CDX1: variants seen among roughly 807,000 people sequenced by gnomAD.
CDX1 encodes the protein caudal type homeobox 1, also known as homeobox protein CDX-1.
CDX1 carries 9 observed loss-of-function variants against 16.9 expected under a neutral mutation model. The observed-to-expected ratio is 0.53, with a 90% CI of 0.32 to 0.93. The LOEUF is 0.93. Among genes scored for constraint, CDX1 ranks in the 40% least tolerant of loss-of-function variants. CDX1 has a pLI of 0.04. For synonymous variants in CDX1, 179 were observed against 179.0 expected (o/e 1.00, Z 0.00); for missense variants, 393 against 386.1 (o/e 1.02, Z -0.15).
At chr5:150,167,453 C>T in intron 1 of CDX1, 132 bp downstream of exon 1, 1 of 515,498 alleles carries the variant, frequency 1.9e-6, no homozygotes, top group Non-Finnish European at 3.0e-6. Flanking sequence ...TCCACTCTCG[C>T]CCTGGGGGGC....
chr5:150,179,738 T>A (rs918057918), intron 1 of CDX1, among the ~76,000 whole-genome samples: 1 of 152,200 alleles, frequency 6.6e-6, no homozygotes, highest in Non-Finnish European at 1.5e-5. Context: ...CTGGGCATTT[T>A]AAGGGCCCCC....
chr5:150,173,989 C>T (rs1761538210), intron 1 of CDX1, among the ~76,000 whole-genome samples: 1 of 152,220 alleles, frequency 6.6e-6, no homozygotes, highest in Non-Finnish European at 1.5e-5. Flanking sequence ...TATGTATTCA[C>T]CAAGGATTCA....
chr5:150,183,780 C>A lies in CDX1; in HGVS notation c.*100C>A. ...GTCTGGTCCGAGTCTCAGCCCTGACCTTCTGGGACATGGTGGACAGTCACC... is the reference window on the plus strand; with the variant it reads ...GTCTGGTCCGAGTCTCAGCCCTGACATTCTGGGACATGGTGGACAGTCACC... On this transcript the variant is annotated 3_prime_UTR_variant, in exon 3 of 3. Coordinates refer to ENST00000231656, the MANE Select transcript of CDX1 (RefSeq NM_001804.3). 1 of 968,592 alleles carries A rather than the reference C, an allele frequency of 1.0e-6. No individual in the cohort carries two copies. Among genetic ancestry groups the A allele is most frequent in the South Asian group, 2.1e-5 (1 of 48,176 alleles). 60.0% of individuals were successfully genotyped at this position (968,592 alleles called of 1,614,324 possible).
rs1262277553 is a variant in CDX1, at chr5:150,167,058, G to T, written c.182G>T (p.Trp61Leu). 3 of 1,424,792 alleles carry T rather than the reference G, an allele frequency of 2.1e-6. No individual in the cohort carries two copies. Among genetic ancestry groups the T allele is most frequent in the South Asian group, 1.5e-5 (1 of 68,954 alleles). The allele number at this position is 1,424,792 out of a possible 1,614,324, so 88.3% of individuals were successfully genotyped here. A position where few individuals can be genotyped will look rare whatever the true frequency, so the allele number is the denominator to read the frequency against. ...VEPAPAPPTA[W>L]GAPFPAPKDD... ...CCGGCCCCCGCGCCCCCGACGGCCT[G>T]GGGGGCGCCCTTCCCTGCGCCCAAG... Residue 61 changes from tryptophan (W) to leucine (L), a missense_variant, in exon 1 of 3, where the codon TGG becomes TTG. Trp to Leu is a moderately conservative substitution (Grantham distance 61). Coordinates refer to ENST00000231656, the MANE Select transcript of CDX1 (RefSeq NM_001804.3).
At chr5:150,178,776 A>G (rs560949169) in intron 1 of CDX1, among the ~76,000 whole-genome samples, 1 of 152,126 alleles carries the variant, frequency 6.6e-6, no homozygotes, top group Non-Finnish European at 1.5e-5. Flanking sequence ...AGAAAGAACT[A>G]TGTTTGGGTA....
chr5:150,174,376 C>T (rs529855980), intron 1 of CDX1, among the ~76,000 whole-genome samples: 21 of 152,372 alleles, frequency 1.4e-4, no homozygotes, highest in Non-Finnish European at 2.6e-4. Flanking sequence ...AAATGGCTGT[C>T]TTGGGCTCAG....
intron 1 of CDX1, among the ~76,000 whole-genome samples, chr5:150,170,294 A>G (rs1580836890): frequency 6.6e-6 from 1 of 152,022 alleles, no homozygotes; most frequent in East Asian, 1.9e-4. Context: ...TACACCCATC[A>G]CGAATCTTTG....
At chr5:150,176,131 G>C (rs1013583513) in intron 1 of CDX1, among the ~76,000 whole-genome samples, 2 of 152,170 alleles carry the variant, frequency 1.3e-5, no homozygotes, top group Admixed American at 1.3e-4. Flanking sequence ...GTGTGACGCT[G>C]CTACAATTTA....
chr5:150,183,765 A>T lies in CDX1; in HGVS notation c.*85A>T. 8.7e-7 allele frequency: 1 copy of T among 1,153,094 alleles called. No homozygotes were observed. Among genetic ancestry groups the T allele is most frequent in the Non-Finnish European group, 1.2e-6 (1 of 836,554 alleles). The allele number at this position is 1,153,094 out of a possible 1,614,324, so 71.4% of individuals were successfully genotyped here. On this transcript the variant is annotated 3_prime_UTR_variant, in exon 3 of 3. Coordinates refer to ENST00000231656, the MANE Select transcript of CDX1 (RefSeq NM_001804.3). ...CTGTGGGCCCAGGAGGTCTGGTCCG[A>T]GTCTCAGCCCTGACCTTCTGGGACA...
At chr5:150,181,571 G>C (rs931681729) in intron 1 of CDX1, among the ~76,000 whole-genome samples, 1 of 152,022 alleles carries the variant, frequency 6.6e-6, no homozygotes, top group East Asian at 1.9e-4. Context: ...GAGCCACCGC[G>C]CCTGGCCCTA....
In CDX1 at chr5:150,184,122, A is replaced by G. The variant is rs1383423194; in HGVS notation, c.*442A>G. The stretch of plus-strand genomic sequence containing the variant: ...ACCTGAGGAGGGAGGAACGTGGTCA[A>G]CTCACACCTGCCTCTTCCTGCAGCC... On this transcript the variant is annotated 3_prime_UTR_variant, in exon 3 of 3. Transcript: ENST00000231656. The G allele has an allele frequency of 6.5e-6, 1 of 154,602 alleles. No individual in the cohort carries two copies. The highest frequency in any genetic ancestry group is 1.4e-5 in the Non-Finnish European group (1 of 69,770). The allele number at this position is 154,602 out of a possible 1,614,324, so 9.6% of individuals were successfully genotyped here.
intron 1 of CDX1, among the ~76,000 whole-genome samples, chr5:150,177,864 G>A (rs1273906856): frequency 2.6e-5 from 4 of 152,068 alleles, no homozygotes; most frequent in Non-Finnish European, 5.9e-5. Context: ...TGACTGCCCC[G>A]AGACACCTCT....
chr5:150,171,572 G>A (rs1275288684), intron 1 of CDX1, among the ~76,000 whole-genome samples: 1 of 152,204 alleles, frequency 6.6e-6, no homozygotes, highest in Non-Finnish European at 1.5e-5. Context: ...TCCTGACCTC[G>A]TGATCCGCCC....
At chr5:150,176,380 C>T (rs1251862573) in intron 1 of CDX1, among the ~76,000 whole-genome samples, 1 of 152,218 alleles carries the variant, frequency 6.6e-6, no homozygotes, top group Non-Finnish European at 1.5e-5. Context: ...TACCCTATTC[C>T]CACCTCCCCT....
Position 150,183,781 on chromosome 5 carries a change from T to C in CDX1, c.*101T>C, listed in dbSNP as rs964825479. 22 of 945,222 alleles carry C rather than the reference T, an allele frequency of 2.3e-5. No homozygotes were observed. The East Asian group carries it at 5.2e-4, about 22-fold the overall frequency. 58.6% of individuals were successfully genotyped at this position (945,222 alleles called of 1,614,324 possible). ...TCTGGTCCGAGTCTCAGCCCTGACC[T>C]TCTGGGACATGGTGGACAGTCACCT... On this transcript the variant is annotated 3_prime_UTR_variant, in exon 3 of 3. Coordinates refer to ENST00000231656, the MANE Select transcript of CDX1 (RefSeq NM_001804.3).
intron 1 of CDX1, among the ~76,000 whole-genome samples, chr5:150,180,343 C>T (rs766368624): frequency 2.0e-4 from 30 of 152,216 alleles, no homozygotes; most frequent in South Asian, 1.0e-3. Flanking sequence ...TGCTGGGCAG[C>T]GGACTGAGGT....
At chr5:150,181,933 C>T (rs922930507) in intron 1 of CDX1, among the ~76,000 whole-genome samples, 8 of 152,242 alleles carry the variant, frequency 5.3e-5, no homozygotes, top group Middle Eastern at 3.4e-3. Context: ...GATGTGTGGA[C>T]GGCTTGGGCA....
intron 1 of CDX1, among the ~76,000 whole-genome samples, chr5:150,172,932 C>T (rs934288406): frequency 2.6e-5 from 4 of 152,142 alleles, no homozygotes; most frequent in African/African-American, 9.7e-5. Flanking sequence ...ATGGGCCGGC[C>T]TCTCAGGTTT....
At chr5:150,173,395 ACT>A (rs1761531520) in intron 1 of CDX1, among the ~76,000 whole-genome samples, 2 of 151,270 alleles carry the variant, frequency 1.3e-5, no homozygotes, top group South Asian at 4.2e-4. Flanking sequence ...CCTACTGCTC[ACT>A]CTCCCTGGAA....
Sources: gnomAD v4.1 joint callset for allele counts (sites outside exome capture counted in the v4.1 genomes callset) on GRCh38, gnomAD v4.1.1 for gene constraint, MANE v1.5 for transcripts, NCBI Gene and HGNC (gene_info 2026-07-23, HGNC 2026-07-21) for gene names.